COL14A1: variants seen among roughly 807,000 people sequenced by gnomAD.
COL14A1 encodes collagen alpha-1(XIV) chain.
A neutral mutation model predicts 230.3 loss-of-function variants in COL14A1; 136 were observed. That is an observed-to-expected ratio of 0.59 (90% CI 0.51 to 0.68). The LOEUF (loss-of-function observed/expected upper bound fraction) is 0.68, where lower values mean the gene tolerates loss of function less well. COL14A1 is among the 30% of genes least tolerant of loss of function. The pLI, the probability that COL14A1 is intolerant of heterozygous loss-of-function variation, is 0.00. For missense variants in COL14A1, 1,976 were observed against 2,215.8 expected (o/e 0.89, Z 2.17); for synonymous variants, 792 against 784.1 (o/e 1.01, Z -0.17).
intron 45 of COL14A1, among the ~76,000 whole-genome samples, chr8:120,355,408 T>TC (rs1206593142): frequency 6.6e-6 from 1 of 152,050 alleles, no homozygotes; most frequent in Non-Finnish European, 1.5e-5. Context: ...TTCAGTCTTT[T>TC]TTTTTTTTTC....
At chr8:120,137,318 G>A (rs1178524874) in intron 1 of COL14A1, among the ~76,000 whole-genome samples, 2 of 152,022 alleles carry the variant, frequency 1.3e-5, no homozygotes, top group Admixed American at 1.3e-4. Context: ...TATATCCTCT[G>A]TTATTCCTGG....
intron 40 of COL14A1, among the ~76,000 whole-genome samples, chr8:120,330,563 T>A (rs1025932828): frequency 2.0e-5 from 3 of 152,120 alleles, no homozygotes; most frequent in Non-Finnish European, 4.4e-5. Context: ...GAGAACATCA[T>A]GGGAAAGACC....
intron 36 of COL14A1, among the ~76,000 whole-genome samples, chr8:120,309,331 G>C (rs2130079006): frequency 6.6e-6 from 1 of 152,174 alleles, no homozygotes; most frequent in Admixed American, 6.5e-5. Flanking sequence ...TTACTGTAAT[G>C]CTGTATTTGC....
chr8:120,204,794 T>A (rs1038859405), intron 9 of COL14A1, among the ~76,000 whole-genome samples: 1 of 152,220 alleles, frequency 6.6e-6, no homozygotes, highest in African/African-American at 2.4e-5. Context: ...CCTGACTCAC[T>A]GCTAGGTCTC....
intron 1 of COL14A1, among the ~76,000 whole-genome samples, chr8:120,132,916 C>A (rs558862676): frequency 6.6e-6 from 1 of 151,906 alleles, no homozygotes; most frequent in Non-Finnish European, 1.5e-5. Context: ...ATAAAAATAC[C>A]GTGCTATTAT....
intron 13 of COL14A1, among the ~76,000 whole-genome samples, chr8:120,214,705 C>A (rs1817697789): frequency 6.6e-6 from 1 of 151,770 alleles, no homozygotes; most frequent in Non-Finnish European, 1.5e-5. Context: ...CAAAATGAAA[C>A]CAAATTATCT....
At chr8:120,307,583 G>A (rs941241614) in intron 36 of COL14A1, among the ~76,000 whole-genome samples, 14 of 152,116 alleles carry the variant, frequency 9.2e-5, no homozygotes, top group Non-Finnish European at 1.0e-4. Context: ...AAAAAGACAT[G>A]TAACCCAATG....
chr8:120,231,489 C>A lies in COL14A1; in HGVS notation c.2220C>A (p.Asn740Lys). 1 of 1,613,010 alleles carries A rather than the reference C, an allele frequency of 6.2e-7. No individual in the cohort carries two copies. Among genetic ancestry groups the A allele is most frequent in the Non-Finnish European group, 8.5e-7 (1 of 1,179,736 alleles). ...CAGTTTTCCAGACGGGAATCAGAAACCTAGTTGTAGGTGATGAAACTACTT... is the reference window on the plus strand; with the variant it reads ...CAGTTTTCCAGACGGGAATCAGAAAACTAGTTGTAGGTGATGAAACTACTT... ...VTSVFQTGIR[N>K]LVVGDETTSS... Residue 740 changes from asparagine to lysine, a missense_variant, in exon 19 of 48, where the codon AAC becomes AAA. Physicochemically the swap from Asn to Lys is moderately conservative, Grantham distance 94. Coordinates refer to ENST00000297848, the MANE Select transcript of COL14A1 (RefSeq NM_021110.4).
chr8:120,218,015 A>G (rs1190603469), intron 14 of COL14A1, among the ~76,000 whole-genome samples: 4 of 142,682 alleles, frequency 2.8e-5, no homozygotes, highest in Non-Finnish European at 6.1e-5. Context: ...TATTTAAATT[A>G]TATATTATAA....
At chr8:120,124,721 A>C (rs546640651), upstream of COL14A1, among the ~76,000 whole-genome samples, 1 of 152,290 alleles carries the variant, frequency 6.6e-6, no homozygotes, top group African/African-American at 2.4e-5. Flanking sequence ...GCGGGAAGGC[A>C]AAGTCTGTCT....
At chr8:120,283,834 G>A in intron 32 of COL14A1, 56 bp downstream of exon 32, 2 of 1,476,354 alleles carry the variant, frequency 1.4e-6, no homozygotes, top group Non-Finnish European at 1.8e-6. Context: ...AATGTATGTG[G>A]CATGCCATTT....
chr8:120,215,794 A>G (rs1046917601), intron 13 of COL14A1, among the ~76,000 whole-genome samples: 3 of 152,152 alleles, frequency 2.0e-5, no homozygotes, highest in African/African-American at 7.2e-5. Flanking sequence ...AGTGGGAAGG[A>G]TAGAGTTTCC....
chr8:120,148,876 A>C (rs1317600765), intron 2 of COL14A1, among the ~76,000 whole-genome samples: 1 of 152,236 alleles, frequency 6.6e-6, no homozygotes, highest in Non-Finnish European at 1.5e-5. Context: ...TCTGGGGCTG[A>C]AAAACTACCT....
chr8:120,252,687 A>G (rs2129693073), intron 22 of COL14A1, among the ~76,000 whole-genome samples: 1 of 152,356 alleles, frequency 6.6e-6, no homozygotes, highest in East Asian at 1.9e-4. Context: ...AATGTATGTA[A>G]CGTGCTTACG....
intron 5 of COL14A1, among the ~76,000 whole-genome samples, chr8:120,186,760 C>T (rs1309158314): frequency 6.6e-6 from 1 of 152,158 alleles, no homozygotes; most frequent in Non-Finnish European, 1.5e-5. Flanking sequence ...ACTATGTGAA[C>T]AGAGGAATTA....
intron 22 of COL14A1, among the ~76,000 whole-genome samples, chr8:120,254,530 A>C (rs923964602): frequency 1.3e-5 from 2 of 152,164 alleles, no homozygotes; most frequent in Non-Finnish European, 2.9e-5. Flanking sequence ...TGATAAATAC[A>C]TACTGTATTT....
intron 26 of COL14A1, among the ~76,000 whole-genome samples, chr8:120,276,137 T>TTA (rs1172640052): frequency 6.6e-6 from 1 of 150,534 alleles, no homozygotes; most frequent in Admixed American, 6.7e-5. Flanking sequence ...AAAAAATATA[T>TTA]TATATATATA....
intron 5 of COL14A1, among the ~76,000 whole-genome samples, chr8:120,171,430 G>C (rs1816091750): frequency 6.6e-6 from 1 of 152,106 alleles, no homozygotes; most frequent in Non-Finnish European, 1.5e-5. Flanking sequence ...GAAGATCTGT[G>C]GTGGTAAACT....
chr8:120,307,345 G>T (rs892725598), intron 36 of COL14A1, among the ~76,000 whole-genome samples: 2 of 152,156 alleles, frequency 1.3e-5, no homozygotes, highest in African/African-American at 4.8e-5. Flanking sequence ...TAGTGGCATT[G>T]CAGATCAAGT....
Sources: gnomAD v4.1 joint callset for allele counts (sites outside exome capture counted in the v4.1 genomes callset) on GRCh38, gnomAD v4.1.1 for gene constraint, MANE v1.5 for transcripts, NCBI Gene and HGNC (gene_info 2026-07-23, HGNC 2026-07-21) for gene names.